SEMA7A: variants seen among roughly 807,000 people sequenced by gnomAD.
SEMA7A encodes the protein semaphorin 7A (JohnMiltonHagen blood group), also known as semaphorin-7A.
SEMA7A carries 21 observed loss-of-function variants against 67.5 expected under a neutral mutation model. The ratio of observed to expected loss-of-function variants is 0.31; its 90% CI spans 0.22 to 0.45. The LOEUF (loss-of-function observed/expected upper bound fraction) is 0.45, where lower values mean the gene tolerates loss of function less well. SEMA7A is among the 20% of genes least tolerant of loss of function. The pLI is 1.00. For synonymous variants in SEMA7A, 364 were observed against 368.5 expected, an observed-to-expected ratio of 0.99 and a Z score of 0.14; for missense variants, 774 against 908.6, an observed-to-expected ratio of 0.85 and a Z score of 1.90.
chr15:74,418,233 G>A, intron 3 of SEMA7A, 35 bp downstream of exon 3: 1 of 1,601,628 alleles, frequency 6.2e-7, no homozygotes, highest in African/African-American at 1.3e-5. Flanking sequence ...TTTACCAAGT[G>A]GCTCAGACCC....
At chr15:74,432,474 C>G (rs919868730) in intron 1 of SEMA7A, among the ~76,000 whole-genome samples, 11 of 152,334 alleles carry the variant, frequency 7.2e-5, no homozygotes, top group Non-Finnish European at 1.6e-4. Flanking sequence ...AACCCAGAAC[C>G]TGGACTGGTC....
chr15:74,418,189 C>G, intron 3 of SEMA7A, 79 bp downstream of exon 3: 1 of 1,447,996 alleles, frequency 6.9e-7, no homozygotes, highest in Non-Finnish European at 9.7e-7. Flanking sequence ...CAGGGCCATG[C>G]TTCCTTCCTT....
Position 74,410,743 on chromosome 15 carries a change from G to A in SEMA7A, c.1882C>T (p.Gln628Ter). ...ATGATGCCGTCCTCGGGCAGCAGCT[G>A]CCAGTGCTGAGCCTCGCGGAAGTAG... ...GSYFREAQHW[Q>*]LLPEDGIMAE... The change falls in exon 14 of 14, where the codon CAG (glutamine) becomes TAG (stop). Residue 628 changes from glutamine (Q) to a stop codon, truncating the protein, a stop_gained. Transcript: ENST00000261918. LOFTEE classifies it high-confidence loss of function. The surrounding 1 kb of genome is among the most constrained non-coding windows in gnomAD (Gnocchi z 7.5). The A allele has an allele frequency of 6.2e-7, 1 of 1,614,076 alleles. No homozygotes were observed. The highest frequency in any genetic ancestry group is 8.5e-7 in the Non-Finnish European group (1 of 1,180,032).
Position 74,416,653 on chromosome 15 carries a change from G to A in SEMA7A, c.723C>T (p.Tyr241=). The change falls in exon 7 of 14, where the codon TAC becomes TAT. Residue 241 remains tyrosine (Y), a synonymous_variant. Transcript: ENST00000261918. ...CAGGATTGTCCTCTCGGAAGAAGTAGTAGATCTTGTCATCGTAAGCCTGGT... is the reference window on the plus strand; with the variant it reads ...CAGGATTGTCCTCTCGGAAGAAGTAATAGATCTTGTCATCGTAAGCCTGGT... ...HQDQAYDDKI[Y]YFFREDNPDK... is the part of the protein sequence containing the mutation. 1 of 1,614,018 alleles carries A rather than the reference G, an allele frequency of 6.2e-7. No individual in the cohort carries two copies. The highest frequency in any genetic ancestry group is 8.5e-7 in the Non-Finnish European group (1 of 1,179,952).
rs1225815180 is a variant in SEMA7A at position 74,410,672 on chromosome 15, G to A, written c.1953C>T (p.Leu651=). The change falls in exon 14 of 14, where the codon CTC becomes CTT. Residue 651 remains leucine (L), a synonymous_variant. Transcript: ENST00000261918. This position sits in a 1 kb window ranked among gnomAD's most constrained non-coding sequence, Gnocchi z 7.5. ...LGHACALAAS[L]WLGVLPTLTL... is the part of the protein sequence containing the mutation. ...TGAGTGTGGGCAGCACCCCCAGCCA[G>A]AGGGAGGCGGCCAGGGCACAGGCAT... 2 of 1,608,966 alleles carry A rather than the reference G, an allele frequency of 1.2e-6. No homozygotes were observed. Among genetic ancestry groups the A allele is most frequent in the South Asian group, 2.2e-5 (2 of 90,818 alleles).
intron 1 of SEMA7A, among the ~76,000 whole-genome samples, chr15:74,419,629 C>T (rs1029766042): frequency 3.3e-5 from 5 of 152,158 alleles, no homozygotes; most frequent in South Asian, 2.1e-4. Flanking sequence ...CAAGGGCACA[C>T]GGAAGCAGGT....
intron 1 of SEMA7A, among the ~76,000 whole-genome samples, chr15:74,420,574 G>T (rs2060992042): frequency 6.6e-6 from 1 of 152,204 alleles, no homozygotes; most frequent in Non-Finnish European, 1.5e-5. Context: ...CCCGAGATGT[G>T]CAGAGCAAGG....
intron 8 of SEMA7A, 95 bp from the exon 9 acceptor site, chr15:74,415,041 C>A: frequency 1.1e-6 from 1 of 938,156 alleles, no homozygotes; most frequent in South Asian, 1.4e-5. Flanking sequence ...CACTGAGTTG[C>A]CAACCACCAC....
rs1171280306 is a variant in SEMA7A, at chr15:74,409,895, T to C, written c.*729A>G. On this transcript the variant is annotated 3_prime_UTR_variant, in exon 14 of 14. Coordinates refer to ENST00000261918, the MANE Select transcript of SEMA7A (RefSeq NM_003612.5). ...CATCCCCGGGAGCCTCAGACTGGGA[T>C]CACCCCCGCTCCCCAACCCATCCCT... The C allele has an allele frequency of 6.6e-6, 1 of 150,652 alleles. No individual in the cohort carries two copies. Among genetic ancestry groups the C allele is most frequent in the Non-Finnish European group, 1.5e-5 (1 of 67,640 alleles). The allele number at this position is 150,652 out of a possible 1,614,324, so 9.3% of individuals were successfully genotyped here.
In SEMA7A at chr15:74,418,841, A is replaced by T. The variant is rs148553967; in HGVS notation, c.290T>A (p.Leu97His). The change falls in exon 2 of 14, where the codon CTC becomes CAC. Residue 97 changes from leucine to histidine, a missense_variant. By Grantham distance (99) the Leu-to-His change is moderately conservative. Transcript: ENST00000261918. ...GTTCTTGCCCTCGGGGAAGTCAAAG[A>T]GGTAGACCTTGCCACGTCCTCCCAC... Reference protein sequence around the residue: ...VWVGGRGKVYLFDFPEGKNAS... With the variant: ...VWVGGRGKVYHFDFPEGKNAS... The T allele has an allele frequency of 2.0e-3, 3,300 of 1,613,900 alleles. 2 individuals are homozygous for T. The highest frequency in any genetic ancestry group is 2.5e-3 in the Non-Finnish European group (2,982 of 1,179,990).
At chr15:74,424,602 CAGA>C (rs1346843617) in intron 1 of SEMA7A, among the ~76,000 whole-genome samples, 3 of 152,202 alleles carry the variant, frequency 2.0e-5, no homozygotes, top group African/African-American at 7.2e-5. Context: ...CTCAAAGGAC[CAGA>C]AGAAGGTTTG....
At chr15:74,417,780 A>T in intron 4 of SEMA7A, 97 bp downstream of exon 4, 1 of 1,546,234 alleles carries the variant, frequency 6.5e-7, no homozygotes, top group Non-Finnish European at 8.9e-7. Flanking sequence ...GGGCAAGGCC[A>T]GCATTGGAGT....
Position 74,410,828 on chromosome 15 carries a change from G to A in SEMA7A, c.1797C>T (p.Phe599=), listed in dbSNP as rs2060893085. ...ACTGCTGCGCCGTGAGGTTCTCGAT[G>A]AACAGGATGCAGTTGGGGCTCTGGT... is the stretch of plus-strand genomic sequence containing the variant. ...PGHQSPNCIL[F]IENLTAQQYG... is the part of the protein sequence containing the mutation. The change falls in exon 14 of 14, where the codon TTC becomes TTT. Residue 599 remains phenylalanine, a synonymous_variant. Transcript: ENST00000261918. The surrounding 1 kb of genome is among the most constrained non-coding windows in gnomAD (Gnocchi z 7.5). 1.2e-6 allele frequency: 2 copies of A among 1,614,252 alleles called. No homozygotes were observed. The highest frequency in any genetic ancestry group is 1.1e-5 in the South Asian group (1 of 91,088).
chr15:74,420,281 C>T (rs148937823), intron 1 of SEMA7A, among the ~76,000 whole-genome samples: 10 of 152,340 alleles, frequency 6.6e-5, no homozygotes, highest in African/African-American at 2.2e-4. Flanking sequence ...AGGTCACCCC[C>T]GGAAGTGAGC....
rs1301949683 is a variant in SEMA7A at position 74,414,932 on chromosome 15, A to G, written c.1001T>C (p.Val334Ala). Residue 334 changes from valine (V) to alanine (A), a missense_variant, in exon 9 of 14, where the codon GTC becomes GCC. By Grantham distance (64) the Val-to-Ala change is moderately conservative (BLOSUM62 0). Around this residue, in one of 2 missense-constraint regions of SEMA7A, gnomAD observed 427 missense variants for 555.4 expected, o/e 0.77. Coordinates refer to ENST00000261918, the MANE Select transcript of SEMA7A (RefSeq NM_003612.5). The surrounding 1 kb of genome is among the most constrained non-coding windows in gnomAD (Gnocchi z 4.1). ...VFSNPWNYSA[V>A]CVYSLGDIDK... ...AATGTCACCGAGGGAATACACACAG[A>G]CGGCTGAGTAGTTCCTGCAGTGACA... The G allele has an allele frequency of 6.2e-7, 1 of 1,614,050 alleles. No homozygotes were observed. Among genetic ancestry groups the G allele is most frequent in the Non-Finnish European group, 8.5e-7 (1 of 1,179,960 alleles).
chr15:74,414,504 C>T lies in SEMA7A; in HGVS notation c.1294+43G>A, dbSNP rs780141900. On this transcript the variant is annotated intron_variant, in intron 10 of 13. Transcript: ENST00000261918. The surrounding 1 kb of genome is among the most constrained non-coding windows in gnomAD (Gnocchi z 4.1). ...CATTATTCCTTACACCTTTCATGCC[C>T]GTTTTTACAAAGCAAACTGAGGGTC... 5.3e-5 allele frequency: 84 copies of T among 1,578,208 alleles called. No individual in the cohort carries two copies. The Admixed American group carries it at 9.4e-4, about 18-fold the overall frequency.
At chr15:74,412,128 G>C in intron 10 of SEMA7A, 116 bp from the exon 11 acceptor site, 1 of 1,281,460 alleles carries the variant, frequency 7.8e-7, no homozygotes, top group Non-Finnish European at 1.1e-6. Context: ...CACAGGACTG[G>C]TGTGGGCAGG....
At chr15:74,433,265 C>CGGCGGCGGCGGCAAGGG (rs1379728486) in intron 1 of SEMA7A, among the ~76,000 whole-genome samples, 1 of 151,402 alleles carries the variant, frequency 6.6e-6, no homozygotes, top group Non-Finnish European at 1.5e-5. Flanking sequence ...TGCCGAAGCG[C>CGGCGGCGGCGGCAAGGG]GGCGGCGGCG....
chr15:74,433,807 A>C lies in SEMA7A; in HGVS notation c.112T>G (p.Trp38Gly). The change falls in exon 1 of 14, where the codon TGG becomes GGG. Residue 38 changes from tryptophan to glycine, a missense_variant. Physicochemically the swap from Trp to Gly is radical, Grantham distance 184. Transcript: ENST00000261918. Reference sequence around the variant, plus strand: ...CCCTGGGCGGAGGCGGCGGCCGCCCAGAGCAGCAGCAGCAGCCGCAGCCGC... The same window carrying C: ...CCCTGGGCGGAGGCGGCGGCCGCCCCGAGCAGCAGCAGCAGCCGCAGCCGC... ...PLRLRLLLLL[W>G]AAAASAQGHL... 1 of 1,408,070 alleles carries C rather than the reference A, an allele frequency of 7.1e-7. No individual in the cohort carries two copies. Among genetic ancestry groups the C allele is most frequent in the Non-Finnish European group, 9.2e-7 (1 of 1,084,500 alleles). 87.2% of individuals were successfully genotyped at this position (1,408,070 alleles called of 1,614,324 possible).
Sources: allele counts gnomAD v4.1 joint callset (sites outside exome capture counted in the v4.1 genomes callset), GRCh38; gene constraint gnomAD v4.1.1; regional missense constraint gnomAD v4.1.1; non-coding constraint Gnocchi (gnomAD v3.1); transcripts MANE v1.5; gene names NCBI Gene and HGNC (gene_info 2026-07-23, HGNC 2026-07-21).